Variants in NEK10 observed in about 807,000 individuals in gnomAD.
The protein encoded by NEK10 is serine/threonine-protein kinase Nek10.
In NEK10, 122 loss-of-function variants were observed where a neutral mutation model predicts 159.8. That is an observed-to-expected ratio of 0.76 (90% CI 0.66 to 0.89). The LOEUF is 0.89. Ranked by LOEUF, NEK10 falls within the 40% of genes least tolerant of loss-of-function variation. The pLI, the probability that NEK10 is intolerant of heterozygous loss-of-function variation, is 0.00. For synonymous variants in NEK10, 466 were observed against 457.1 expected, an observed-to-expected ratio of 1.02 and a Z score of -0.25; for missense variants, 1,342 against 1,323.1, an observed-to-expected ratio of 1.01 and a Z score of -0.22.
chr3:27,246,362 TCTC>T (rs1352347935), intron 23 of NEK10, among the ~76,000 whole-genome samples: 1 of 152,200 alleles, frequency 6.6e-6, no homozygotes, highest in Non-Finnish European at 1.5e-5. Context: ...TGATCCTCTC[TCTC>T]CTCCAACCTT....
chr3:27,369,102 T>A lies in NEK10; in HGVS notation c.-38+123A>T, dbSNP rs2049322830. ...AGCCGCATTCTCTACCTCTGCCTCT[T>A]GTCTAGTGAAGCTGGCTCCCGAGGC... On this transcript the variant is annotated intron_variant, in intron 1 of 35. Transcript: ENST00000691995. The surrounding 1 kb of genome is among the most constrained non-coding windows in gnomAD (Gnocchi z 4.2). 6.6e-6 allele frequency: 1 copy of A among 152,400 alleles called. No individual in the cohort carries two copies. The highest frequency in any genetic ancestry group is 2.4e-5 in the African/African-American group (1 of 41,446). 9.4% of individuals were successfully genotyped at this position (152,400 alleles called of 1,614,324 possible).
At chr3:27,354,709 G>A (rs1337100998) in intron 1 of NEK10, among the ~76,000 whole-genome samples, 1 of 152,192 alleles carries the variant, frequency 6.6e-6, no homozygotes, top group Non-Finnish European at 1.5e-5. Context: ...GGCAGACAAT[G>A]TATTAAGAAA....
intron 12 of NEK10, among the ~76,000 whole-genome samples, chr3:27,302,299 C>T (rs1180113884): frequency 6.6e-5 from 10 of 151,840 alleles, no homozygotes; most frequent in Non-Finnish European, 8.8e-5. Context: ...TTCTATTGGG[C>T]GTATCTTTCA....
At chr3:27,268,258 A>C (rs1360544090) in intron 22 of NEK10, among the ~76,000 whole-genome samples, 1 of 152,252 alleles carries the variant, frequency 6.6e-6, no homozygotes, top group Non-Finnish European at 1.5e-5. Context: ...AGTTATCCAG[A>C]TCTGGCTAAG....
At chr3:27,130,633 A>C (rs1367621311) in intron 32 of NEK10, among the ~76,000 whole-genome samples, 1 of 152,194 alleles carries the variant, frequency 6.6e-6, no homozygotes, top group African/African-American at 2.4e-5. Context: ...GTCTATGCTC[A>C]AACCAGATTA....
chr3:27,119,344 A>T (rs1481323996), intron 33 of NEK10, among the ~76,000 whole-genome samples: 2 of 152,182 alleles, frequency 1.3e-5, no homozygotes, highest in Non-Finnish European at 2.9e-5. Flanking sequence ...ATTTTATGTA[A>T]AAGAGAAAAA....
Position 27,202,427 on chromosome 3 carries a change from C to G in NEK10, c.2220+1G>C. On this transcript the variant is annotated splice_donor_variant, in intron 24 of 35. Transcript: ENST00000691995. LOFTEE classifies it high-confidence loss of function. ...CCCTTCTGTCTCCCAGCGTTGCTTA[C>G]TTTTGTAGCCAAGGACAGCATGTTA... 1 of 1,607,074 alleles carries G rather than the reference C, an allele frequency of 6.2e-7. No individual in the cohort carries two copies. Among genetic ancestry groups the G allele is most frequent in the South Asian group, 1.1e-5 (1 of 89,910 alleles).
intron 23 of NEK10, among the ~76,000 whole-genome samples, chr3:27,223,941 GT>G (rs1187066711): frequency 6.6e-6 from 1 of 152,170 alleles, no homozygotes; most frequent in Non-Finnish European, 1.5e-5. Context: ...AGTTTTGTGG[GT>G]TGGATTGTGT....
chr3:27,148,135 T>C (rs1186583162), intron 30 of NEK10, among the ~76,000 whole-genome samples: 1 of 152,200 alleles, frequency 6.6e-6, no homozygotes. Flanking sequence ...GTTCCAGCTA[T>C]AGTGGAGGGC....
At chr3:27,138,454 T>C (rs189260324) in intron 31 of NEK10, among the ~76,000 whole-genome samples, 2 of 152,326 alleles carry the variant, frequency 1.3e-5, no homozygotes, top group East Asian at 3.9e-4. Context: ...CCCAATTCTA[T>C]ATTTGTTCCT....
rs1939337366 is a variant in NEK10, at chr3:27,109,756, A to G, written c.*1516T>C. 1.3e-5 allele frequency among the ~76,000 whole-genome samples: 2 copies of G among 152,184 alleles called. No individual in the cohort carries two copies. The highest frequency in any genetic ancestry group is 1.3e-4 in the Admixed American group (2 of 15,270). On this transcript the variant is annotated 3_prime_UTR_variant, in exon 36 of 36. Transcript: ENST00000691995. ...ATATCATAGCATTTTGATTTTATGAATTTCACATATGGATAGAATTAGTTT... is the reference window on the plus strand; with the variant it reads ...ATATCATAGCATTTTGATTTTATGAGTTTCACATATGGATAGAATTAGTTT...
chr3:27,246,083 A>G (rs1401950590), intron 23 of NEK10, among the ~76,000 whole-genome samples: 1 of 152,232 alleles, frequency 6.6e-6, no homozygotes, highest in Non-Finnish European at 1.5e-5. Flanking sequence ...AATTGATAAA[A>G]GAAGCAAGGA....
chr3:27,298,950 G>C (rs1348409978), intron 13 of NEK10, among the ~76,000 whole-genome samples: 1 of 152,146 alleles, frequency 6.6e-6, no homozygotes, highest in East Asian at 1.9e-4. Flanking sequence ...TTTTAAAAGA[G>C]GAACACAGCA....
chr3:27,160,513 A>G (rs1191094672), intron 30 of NEK10, among the ~76,000 whole-genome samples: 1 of 152,188 alleles, frequency 6.6e-6, no homozygotes. Context: ...AAGTAGAGTA[A>G]CTCTCAGGTG....
At chr3:27,148,821 G>T (rs563752980) in intron 30 of NEK10, among the ~76,000 whole-genome samples, 1 of 152,210 alleles carries the variant, frequency 6.6e-6, no homozygotes, top group African/African-American at 2.4e-5. Context: ...CAAATGGCAT[G>T]AGTGTGAGTT....
rs1472662675 is a variant in NEK10, at chr3:27,146,475, ATTG to A, written c.2870-4896_2870-4894del. ...AAATCCATGAAGAAGCAAAAAATAT[ATTG>A]TTTTCATGAATGGGGGGCCAAAACA... On this transcript the variant is annotated intron_variant, in intron 30 of 35. Coordinates refer to ENST00000691995, the MANE Select transcript of NEK10 (RefSeq NM_001394966.1). 2.0e-5 allele frequency among the ~76,000 whole-genome samples: 3 copies of A among 152,320 alleles called. No individual in the cohort carries two copies. The East Asian group carries it at 5.8e-4, about 29-fold the overall frequency.
In NEK10 at chr3:27,301,677, A is replaced by G. The variant is rs767875578; in HGVS notation, c.1168+19T>C. 2 of 1,494,352 alleles carry G rather than the reference A, an allele frequency of 1.3e-6. No individual in the cohort carries two copies. The highest frequency in any genetic ancestry group is 1.2e-5 in the South Asian group (1 of 83,530). 92.6% of individuals were successfully genotyped at this position (1,494,352 alleles called of 1,614,324 possible). A position where few individuals can be genotyped will look rare whatever the true frequency, so the allele number is the denominator to read the frequency against. ...CAACACAATAAATTATAGCATATCAAATAATAAAACATAAATACCTGCTTG... is the reference window on the plus strand; with the variant it reads ...CAACACAATAAATTATAGCATATCAGATAATAAAACATAAATACCTGCTTG... On this transcript the variant is annotated intron_variant, in intron 13 of 35. Coordinates refer to ENST00000691995, the MANE Select transcript of NEK10 (RefSeq NM_001394966.1).
intron 23 of NEK10, 168 bp from the exon 24 acceptor site, chr3:27,202,725 A>G (rs1266626916): frequency 2.0e-6 from 1 of 504,676 alleles, no homozygotes. Flanking sequence ...TCCCAGCCTT[A>G]GATGAACCAG....
chr3:27,257,718 C>A (rs535541727), intron 22 of NEK10, among the ~76,000 whole-genome samples: 8 of 151,968 alleles, frequency 5.3e-5, no homozygotes, highest in Middle Eastern at 3.4e-3. Flanking sequence ...TGAATACTGA[C>A]TCTATTATGA....
Sources: allele counts gnomAD v4.1 joint callset (sites outside exome capture counted in the v4.1 genomes callset), GRCh38; gene constraint gnomAD v4.1.1; non-coding constraint Gnocchi (gnomAD v3.1); transcripts MANE v1.5; gene names NCBI Gene and HGNC (gene_info 2026-07-23, HGNC 2026-07-21).